The following RAI1 variants were observed in gnomAD, a reference collection of about 807,000 sequenced individuals.
RAI1 encodes retinoic acid induced 1, also known as retinoic acid-induced protein 1.
A neutral mutation model predicts 123.8 loss-of-function variants in RAI1; 9 were observed. The observed-to-expected ratio is 0.07, with a 90% CI of 0.04 to 0.13. The LOEUF (loss-of-function observed/expected upper bound fraction) is 0.13, where lower values mean the gene tolerates loss of function less well. RAI1 is among the 10% of genes least tolerant of loss of function. RAI1 has a pLI of 1.00. For synonymous variants in RAI1, 1,231 were observed against 1,127.3 expected, an observed-to-expected ratio of 1.09 and a Z score of -1.84; for missense variants, 2,256 against 2,545.8, an observed-to-expected ratio of 0.89 and a Z score of 2.45.
intron 1 of RAI1, chr17:17,684,246 C>T (rs748541011): frequency 2.0e-5 from 3 of 152,154 alleles, no homozygotes; most frequent in African/African-American, 7.2e-5. Context: ...GTAAGAAATA[C>T]ATCGTAGGTA....
chr17:17,755,861 T>C (rs1055165197), intron 2 of RAI1, among the ~76,000 whole-genome samples: 1 of 152,218 alleles, frequency 6.6e-6, no homozygotes, highest in Non-Finnish European at 1.5e-5. Context: ...GCCTCACAGC[T>C]TGGGCAGGGC....
chr17:17,694,627 GC>G, intron 1 of RAI1, among the ~76,000 whole-genome samples: 1 of 151,876 alleles, frequency 6.6e-6, no homozygotes. Flanking sequence ...GCCCCTCCCC[GC>G]CCGCGGCGCC....
intron 2 of RAI1, among the ~76,000 whole-genome samples, chr17:17,755,474 G>C (rs927474268): frequency 6.6e-6 from 1 of 152,208 alleles, no homozygotes; most frequent in East Asian, 1.9e-4. Context: ...ACTTGCCCCA[G>C]CTGGGCCTGA....
chr17:17,807,121 C>T (rs1041291783), intron 4 of RAI1, among the ~76,000 whole-genome samples: 4 of 151,964 alleles, frequency 2.6e-5, no homozygotes, highest in African/African-American at 9.7e-5. Flanking sequence ...GAGGGTGGAC[C>T]CCTGGGAAAC....
chr17:17,809,284 CTG>C lies in RAI1; in HGVS notation c.5660-105_5660-104del. On this transcript the variant is annotated intron_variant, in intron 4 of 5. Transcript: ENST00000353383. This position sits in a 1 kb window ranked among gnomAD's most constrained non-coding sequence, Gnocchi z 4.9. ...ACTCTTTGAAAAGAGCCCCTGCAGT[CTG>C]GAGCCTCGCGGGCAGTGCGGCTCCC... The C allele has an allele frequency of 2.1e-6, 2 of 962,670 alleles. No individual in the cohort carries two copies. Among genetic ancestry groups the C allele is most frequent in the Non-Finnish European group, 3.4e-6 (2 of 589,532 alleles). The allele number at this position is 962,670 out of a possible 1,614,324, so 59.6% of individuals were successfully genotyped here. A position where few individuals can be genotyped will look rare whatever the true frequency, so the allele number is the denominator to read the frequency against.
intron 2 of RAI1, among the ~76,000 whole-genome samples, chr17:17,732,223 C>A (rs911377886): frequency 6.6e-6 from 1 of 152,134 alleles, no homozygotes. Flanking sequence ...AGTGAGCCTG[C>A]GGCTAAACCC....
chr17:17,724,220 G>A (rs1425937908), intron 2 of RAI1, 61 bp downstream of exon 2: 1 of 150,858 alleles, frequency 6.6e-6, no homozygotes, highest in African/African-American at 2.4e-5. Context: ...AGGGCTCCCC[G>A]AGCCCCCGGC....
At chr17:17,734,305 A>G (rs763731175) in intron 2 of RAI1, among the ~76,000 whole-genome samples, 2 of 151,764 alleles carry the variant, frequency 1.3e-5, no homozygotes, top group Non-Finnish European at 2.9e-5. Context: ...TTAGCCAGGC[A>G]TGGTGGTGGG....
intron 1 of RAI1, among the ~76,000 whole-genome samples, chr17:17,688,783 A>G (rs1914735588): frequency 1.3e-5 from 2 of 150,946 alleles, no homozygotes; most frequent in Admixed American, 1.3e-4. Flanking sequence ...TATTTTTAGT[A>G]GAGACGGGGT....
At chr17:17,773,316 G>A (rs1348922449) in intron 2 of RAI1, among the ~76,000 whole-genome samples, 1 of 152,142 alleles carries the variant, frequency 6.6e-6, no homozygotes, top group East Asian at 1.9e-4. Flanking sequence ...GCTTCAGCAG[G>A]CAGCACATCA....
intron 1 of RAI1, among the ~76,000 whole-genome samples, chr17:17,698,579 G>A (rs1915111534): frequency 1.3e-5 from 2 of 152,246 alleles, no homozygotes; most frequent in South Asian, 2.1e-4. Flanking sequence ...CAGACCGGAG[G>A]TGAGGGGGTG....
intron 1 of RAI1, among the ~76,000 whole-genome samples, chr17:17,693,689 C>G (rs911591890): frequency 6.6e-6 from 1 of 152,178 alleles, no homozygotes; most frequent in Admixed American, 6.5e-5. Flanking sequence ...AGAAAGACAT[C>G]GGATCCAGGG....
intron 2 of RAI1, among the ~76,000 whole-genome samples, chr17:17,772,428 G>A (rs2031194779): frequency 6.6e-6 from 1 of 152,114 alleles, no homozygotes; most frequent in Non-Finnish European, 1.5e-5. Flanking sequence ...TGCAGCCACT[G>A]CAGACTCCCC....
intron 1 of RAI1, among the ~76,000 whole-genome samples, chr17:17,689,270 C>T: frequency 6.6e-6 from 1 of 152,236 alleles, no homozygotes; most frequent in Non-Finnish European, 1.5e-5. Context: ...GCCAATTATT[C>T]TTCTTCCATT....
At chr17:17,748,045 C>T (rs992792164) in intron 2 of RAI1, among the ~76,000 whole-genome samples, 3 of 152,240 alleles carry the variant, frequency 2.0e-5, no homozygotes, top group Non-Finnish European at 4.4e-5. Context: ...GCCTGGGCGA[C>T]AGAGCAAGAC....
rs868342820 is a variant in RAI1 at position 17,757,318 on chromosome 17, G to A, written c.-17+33159G>A. Reference sequence around the variant, plus strand: ...GACTGAGAGGCCAAGGTGGGTTTGCGGAGGCAGGAGAGAGCTCCAGATCAG... The same window carrying A: ...GACTGAGAGGCCAAGGTGGGTTTGCAGAGGCAGGAGAGAGCTCCAGATCAG... On this transcript the variant is annotated intron_variant, in intron 2 of 5. Coordinates refer to ENST00000353383, the MANE Select transcript of RAI1 (RefSeq NM_030665.4). 4.4e-4 allele frequency among the ~76,000 whole-genome samples: 67 copies of A among 152,226 alleles called. 1 individual carries two copies. The highest frequency in any genetic ancestry group is 3.9e-4 in the Admixed American group (6 of 15,292).
rs1191545209 is a variant in RAI1 at position 17,797,005 on chromosome 17, C to A, written c.4057C>A (p.Pro1353Thr). 4.3e-6 allele frequency: 7 copies of A among 1,613,774 alleles called. No homozygotes were observed. The African/African-American group carries it at 9.3e-5, about 22-fold the overall frequency. The change falls in exon 3 of 6, where the codon CCT (proline) becomes ACT (threonine). Residue 1353 changes from proline (P) to threonine (T), a missense_variant. Physicochemically the swap from Pro to Thr is conservative, Grantham distance 38. Coordinates refer to ENST00000353383, the MANE Select transcript of RAI1 (RefSeq NM_030665.4). ...KFACKAPGAS[P>T]GNPLSPSLSD... is the part of the protein sequence containing the mutation. ...CGCATGTAAAGCGCCAGGGGCCTCT[C>A]CTGGTAATCCTCTGAGCCCATCCCT...
At chr17:17,767,761 A>G (rs934354715) in intron 2 of RAI1, among the ~76,000 whole-genome samples, 1 of 152,236 alleles carries the variant, frequency 6.6e-6, no homozygotes, top group Admixed American at 6.5e-5. Flanking sequence ...GCTCCCGCCA[A>G]GAGTCTCAGT....
At chr17:17,769,990 G>T (rs1234490355) in intron 2 of RAI1, among the ~76,000 whole-genome samples, 1 of 152,310 alleles carries the variant, frequency 6.6e-6, no homozygotes, top group African/African-American at 2.4e-5. Flanking sequence ...GGCAGGGCGG[G>T]TGAGCGGGGG....
Sources: allele counts gnomAD v4.1 joint callset (sites outside exome capture counted in the v4.1 genomes callset), GRCh38; gene constraint gnomAD v4.1.1; non-coding constraint Gnocchi (gnomAD v3.1); transcripts MANE v1.5; gene names NCBI Gene and HGNC (gene_info 2026-07-23, HGNC 2026-07-21).